The following NRSN1 variants were observed in gnomAD, a reference collection of about 807,000 sequenced individuals.
NRSN1 encodes neurensin 1.
A neutral mutation model predicts 17.3 loss-of-function variants in NRSN1; 14 were observed. The ratio of observed to expected loss-of-function variants is 0.81; its 90% CI spans 0.54 to 1.27. NRSN1 has a LOEUF of 1.27. Among genes scored for constraint, NRSN1 ranks in the 50% most tolerant of loss-of-function variants. The pLI is 0.00. For synonymous variants in NRSN1, 79 were observed against 94.2 expected, an observed-to-expected ratio of 0.84 and a Z score of 0.93; for missense variants, 209 against 235.9, an observed-to-expected ratio of 0.89 and a Z score of 0.75.
At position 24,134,423 on chromosome 6, in the gene NRSN1, G is replaced by A; in HGVS notation, c.96G>A (p.Gln32=). The change falls in exon 3 of 4, where the codon CAG becomes CAA. Residue 32 remains glutamine (Q), a synonymous_variant. Transcript: ENST00000378491. ...ATGGAGTCCGGTCCTACCTGCACCA[G>A]TTTTATGAGGACTGTACAGCCTCAA... ...QRYGVRSYLH[Q]FYEDCTASIW... 2 of 1,614,156 alleles carry A rather than the reference G, an allele frequency of 1.2e-6. No individual in the cohort carries two copies. Among genetic ancestry groups the A allele is most frequent in the South Asian group, 2.2e-5 (2 of 91,082 alleles).
At chr6:24,127,963 G>C (rs1429354792) in intron 1 of NRSN1, among the ~76,000 whole-genome samples, 165 bp from the exon 2 acceptor site, 1 of 152,124 alleles carries the variant, frequency 6.6e-6, no homozygotes, top group African/African-American at 2.4e-5. Context: ...CTAAAATACA[G>C]TTTAGACTTT....
chr6:24,134,266 G>C (rs1228487673), intron 2 of NRSN1, 53 bp from the exon 3 acceptor site: 21 of 1,445,272 alleles, frequency 1.5e-5, no homozygotes, highest in Non-Finnish European at 2.0e-5. Flanking sequence ...TATGTCTTTT[G>C]ATCCTGTGGC....
intron 2 of NRSN1, among the ~76,000 whole-genome samples, chr6:24,133,493 G>A (rs868131989): frequency 6.6e-6 from 1 of 152,166 alleles, no homozygotes; most frequent in East Asian, 1.9e-4. Flanking sequence ...AGAGTAATGC[G>A]GTGTAGATTC....
chr6:24,139,952 G>A (rs1760176532), intron 3 of NRSN1, among the ~76,000 whole-genome samples: 1 of 152,098 alleles, frequency 6.6e-6, no homozygotes, highest in Admixed American at 6.6e-5. Flanking sequence ...AGAATCCTGG[G>A]GAATACTAAT....
chr6:24,138,620 G>T (rs998006582), intron 3 of NRSN1, among the ~76,000 whole-genome samples: 3 of 152,120 alleles, frequency 2.0e-5, no homozygotes, highest in African/African-American at 7.2e-5. Flanking sequence ...TGCAAGGTGT[G>T]ACCGCCTCCT....
chr6:24,142,005 A>G (rs1760212324), intron 3 of NRSN1, among the ~76,000 whole-genome samples: 1 of 152,158 alleles, frequency 6.6e-6, no homozygotes, highest in African/African-American at 2.4e-5. Flanking sequence ...ATGGATAGTT[A>G]AATCAATTTT....
chr6:24,131,169 G>A (rs2113711586), intron 2 of NRSN1, among the ~76,000 whole-genome samples: 1 of 152,258 alleles, frequency 6.6e-6, no homozygotes, highest in South Asian at 2.1e-4. Flanking sequence ...AAAAACATGT[G>A]TTTTATGACA....
At chr6:24,140,504 C>G (rs1760187671) in intron 3 of NRSN1, among the ~76,000 whole-genome samples, 1 of 152,200 alleles carries the variant, frequency 6.6e-6, no homozygotes, top group Non-Finnish European at 1.5e-5. Flanking sequence ...GCCACTGCTG[C>G]TGGCAGACAT....
At chr6:24,131,549 T>C (rs917202002) in intron 2 of NRSN1, among the ~76,000 whole-genome samples, 3 of 152,194 alleles carry the variant, frequency 2.0e-5, no homozygotes, top group Non-Finnish European at 2.9e-5. Flanking sequence ...CTTGTGTTAA[T>C]TGTCATCTTT....
intron 2 of NRSN1, 108 bp from the exon 3 acceptor site, chr6:24,134,211 T>C: frequency 4.7e-6 from 4 of 854,420 alleles, no homozygotes; most frequent in East Asian, 2.6e-5. Context: ...GAAAAGAGCA[T>C]TGTTCAACTA....
Position 24,146,024 on chromosome 6 carries a change from A to G in NRSN1, c.*78A>G. ...AGCAGGCCAGTTTTCGAGATAAAGA[A>G]GATTTGGCGTTGACTGCCCTAGGGC... is the stretch of plus-strand genomic sequence containing the variant. On this transcript the variant is annotated 3_prime_UTR_variant, in exon 4 of 4. Transcript: ENST00000378491. 6.9e-7 allele frequency: 1 copy of G among 1,449,648 alleles called. No individual in the cohort carries two copies. The highest frequency in any genetic ancestry group is 9.5e-7 in the Non-Finnish European group (1 of 1,049,532). The allele number at this position is 1,449,648 out of a possible 1,614,324, so 89.8% of individuals were successfully genotyped here. A position where few individuals can be genotyped will look rare whatever the true frequency, so the allele number is the denominator to read the frequency against.
At chr6:24,130,830 G>C (rs910866885) in intron 2 of NRSN1, among the ~76,000 whole-genome samples, 1 of 152,150 alleles carries the variant, frequency 6.6e-6, no homozygotes, top group South Asian at 2.1e-4. Context: ...GAGTCATTCC[G>C]TACAGACAAA....
At chr6:24,137,092 C>T (rs1371606750) in intron 3 of NRSN1, among the ~76,000 whole-genome samples, 2 of 152,246 alleles carry the variant, frequency 1.3e-5, no homozygotes, top group South Asian at 4.1e-4. Flanking sequence ...GTTCAAATTG[C>T]TGGCTTCTCC....
rs1448712900 is a variant in NRSN1, at chr6:24,145,949, C to T, written c.*3C>T. 3.3e-5 allele frequency: 53 copies of T among 1,596,044 alleles called. No individual in the cohort carries two copies. Among genetic ancestry groups the T allele is most frequent in the Non-Finnish European group, 4.4e-5 (52 of 1,172,890 alleles). On this transcript the variant is annotated 3_prime_UTR_variant, in exon 4 of 4. Transcript: ENST00000378491. The surrounding 1 kb of genome is among the most constrained non-coding windows in gnomAD (Gnocchi z 4.4). ...TCCAGCCTCTACTGGCAACCTGAAA[C>T]CTTTCCCACCCCAGTTCTTCTTGTC...
At chr6:24,127,074 C>T (rs1036536294) in intron 1 of NRSN1, among the ~76,000 whole-genome samples, 4 of 151,136 alleles carry the variant, frequency 2.6e-5, no homozygotes, top group Admixed American at 6.6e-5. Context: ...AAATGTAATT[C>T]AGAGAGGCAG....
At chr6:24,130,147 A>T (rs1760006565) in intron 2 of NRSN1, among the ~76,000 whole-genome samples, 1 of 152,220 alleles carries the variant, frequency 6.6e-6, no homozygotes, top group South Asian at 2.1e-4. Context: ...ACAATCATAG[A>T]TTTAACCTTT....
At chr6:24,135,988 A>T (rs919739369) in intron 3 of NRSN1, among the ~76,000 whole-genome samples, 8 of 152,250 alleles carry the variant, frequency 5.3e-5, no homozygotes, top group Admixed American at 5.2e-4. Context: ...TTTATTGGCC[A>T]TATAGTGTAA....
At chr6:24,130,719 C>A (rs1760016099) in intron 2 of NRSN1, among the ~76,000 whole-genome samples, 1 of 152,084 alleles carries the variant, frequency 6.6e-6, no homozygotes, top group African/African-American at 2.4e-5. Context: ...AGGGAAGCTG[C>A]ATACATACTA....
rs962269388 is a variant in NRSN1, at chr6:24,140,849, G to C, written c.190-4699G>C. ...TTGGTCAAAATAACAGCAGTCTCTG[G>C]CCTGTAGCCCCCACCAGCAGAATTT... On this transcript the variant is annotated intron_variant, in intron 3 of 3. Transcript: ENST00000378491. 3 of 1,290,678 alleles carry C rather than the reference G, an allele frequency of 2.3e-6. No homozygotes were observed. The African/African-American group carries it at 4.6e-5, about 20-fold the overall frequency. 80.0% of individuals were successfully genotyped at this position (1,290,678 alleles called of 1,614,324 possible).
Sources: allele counts gnomAD v4.1 joint callset (sites outside exome capture counted in the v4.1 genomes callset), GRCh38; gene constraint gnomAD v4.1.1; non-coding constraint Gnocchi (gnomAD v3.1); transcripts MANE v1.5; gene names NCBI Gene and HGNC (gene_info 2026-07-23, HGNC 2026-07-21).